The following PTBP2 variants were observed in gnomAD, a reference collection of about 807,000 sequenced individuals.
The protein encoded by PTBP2 is polypyrimidine tract-binding protein 2.
Under a neutral mutation model 61.4 loss-of-function variants are expected in PTBP2, and 13 were observed. The ratio of observed to expected loss-of-function variants is 0.21; its 90% CI spans 0.14 to 0.34. The LOEUF (loss-of-function observed/expected upper bound fraction) is 0.34. Among genes scored for constraint, PTBP2 ranks in the 10% least tolerant of loss-of-function variants. The pLI is 1.00. For missense variants in PTBP2, 405 were observed against 642.6 expected (o/e 0.63, Z 4.00); for synonymous variants, 215 against 218.5 (o/e 0.98, Z 0.14).
chr1:96,788,201 G>A (rs893637230), intron 8 of PTBP2, among the ~76,000 whole-genome samples: 17 of 152,214 alleles, frequency 1.1e-4, no homozygotes, highest in Non-Finnish European at 2.2e-4. Context: ...CTGTTAGGAT[G>A]TACGGTAATT....
chr1:96,766,198 T>C (rs1656684983), intron 3 of PTBP2, among the ~76,000 whole-genome samples: 1 of 152,208 alleles, frequency 6.6e-6, no homozygotes, highest in African/African-American at 2.4e-5. Flanking sequence ...TTTTATTTGC[T>C]TTGAATCCGT....
chr1:96,789,212 T>A (rs1659530119), intron 8 of PTBP2, among the ~76,000 whole-genome samples: 1 of 151,644 alleles, frequency 6.6e-6, no homozygotes, highest in Non-Finnish European at 1.5e-5. Context: ...TATTTCAAAT[T>A]GAATAACAGG....
At chr1:96,755,584 A>G (rs771363625) in intron 3 of PTBP2, among the ~76,000 whole-genome samples, 2 of 152,236 alleles carry the variant, frequency 1.3e-5, no homozygotes, top group Non-Finnish European at 2.9e-5. Flanking sequence ...ACATTCATCA[A>G]CAGATGAACT....
At chr1:96,813,218 T>C in intron 13 of PTBP2, 58 bp from the exon 14 acceptor site, 1 of 1,555,850 alleles carries the variant, frequency 6.4e-7, no homozygotes, top group Non-Finnish European at 8.7e-7. Flanking sequence ...ATTCAAGTAT[T>C]TAATAAGCCC....
chr1:96,736,358 G>A (rs933130241), intron 2 of PTBP2, among the ~76,000 whole-genome samples: 8 of 151,754 alleles, frequency 5.3e-5, no homozygotes, highest in South Asian at 4.2e-4. Context: ...GATTGATAAG[G>A]GGTTTAAAAA....
At chr1:96,727,981 G>A (rs1650823172) in intron 2 of PTBP2, among the ~76,000 whole-genome samples, 1 of 151,840 alleles carries the variant, frequency 6.6e-6, no homozygotes, top group African/African-American at 2.4e-5. Flanking sequence ...CCTTTTGTTT[G>A]TTAATAATAA....
At chr1:96,781,599 A>T (rs1315215352) in intron 7 of PTBP2, among the ~76,000 whole-genome samples, 1 of 151,978 alleles carries the variant, frequency 6.6e-6, no homozygotes, top group Non-Finnish European at 1.5e-5. Context: ...TTCAAGTATC[A>T]GTTTAGAAGC....
chr1:96,734,744 T>A lies in PTBP2; in HGVS notation c.39+11150T>A, dbSNP rs1651913262. Among the ~76,000 whole-genome samples, 3 of 152,096 alleles carry A rather than the reference T, an allele frequency of 2.0e-5. No individual in the cohort carries two copies. The South Asian group carries it at 6.2e-4, about 32-fold the overall frequency. ...GATCTAGAGACTTGCTCAGGGTCTC[T>A]ATTTTTTTGGTAATATTTTTAAGTG... On this transcript the variant is annotated intron_variant, in intron 2 of 13. Transcript: ENST00000674951.
At chr1:96,779,867 A>G (rs1213762823) in intron 7 of PTBP2, among the ~76,000 whole-genome samples, 2 of 128,322 alleles carry the variant, frequency 1.6e-5, no homozygotes, top group African/African-American at 6.0e-5. Context: ...ATATCACATA[A>G]TATTACATAA....
intron 2 of PTBP2, among the ~76,000 whole-genome samples, chr1:96,725,446 C>T (rs1650285395): frequency 6.6e-6 from 1 of 151,796 alleles, no homozygotes; most frequent in Admixed American, 6.6e-5. Flanking sequence ...ACTACAGGCG[C>T]CCACCACCAC....
chr1:96,813,661 C>CTTTTTTTTTTTTT lies in PTBP2; in HGVS notation c.*265_*277dup, dbSNP rs66475516. On this transcript the variant is annotated 3_prime_UTR_variant, in exon 14 of 14. Coordinates refer to ENST00000674951, the MANE Select transcript of PTBP2 (RefSeq NM_021190.4). ...TGTTTAAAATTTCAGTTTAATTTTG[C>CTTTTTTTTTTTTT]TTTTTTTTTTTTTTTTTTTTTCCTT... 1.7e-4 allele frequency: 21 copies of CTTTTTTTTTTTTT among 120,688 alleles called. No homozygotes were observed. Among genetic ancestry groups the CTTTTTTTTTTTTT allele is most frequent in the African/African-American group, 3.2e-4 (8 of 24,926 alleles). The allele number at this position is 120,688 out of a possible 1,614,324, so 7.5% of individuals were successfully genotyped here.
chr1:96,778,002 A>AAT (rs937192393), intron 7 of PTBP2, 56 bp downstream of exon 7: 79 of 897,010 alleles, frequency 8.8e-5, no homozygotes, highest in Middle Eastern at 3.6e-4. Context: ...TATGTAGAAA[A>AAT]ATATATATAT....
intron 8 of PTBP2, among the ~76,000 whole-genome samples, chr1:96,785,908 T>G (rs977589612): frequency 1.3e-5 from 2 of 152,208 alleles, no homozygotes; most frequent in Non-Finnish European, 2.9e-5. Flanking sequence ...GTTGATAGCG[T>G]GGAATCAAGA....
intron 1 of PTBP2, 53 bp downstream of exon 1, chr1:96,721,925 C>T (rs2100758175): frequency 7.1e-6 from 11 of 1,558,872 alleles, no homozygotes; most frequent in Non-Finnish European, 9.6e-6. Context: ...TTGGACCGTC[C>T]TTCGGCCCGG....
At chr1:96,726,935 ATAAAC>A (rs1231509888) in intron 2 of PTBP2, among the ~76,000 whole-genome samples, 4 of 152,194 alleles carry the variant, frequency 2.6e-5, no homozygotes, top group Non-Finnish European at 2.9e-5. Flanking sequence ...TTGACATAAA[ATAAAC>A]TACCCATATT....
downstream of PTBP2, chr1:96,819,365 A>G (rs562284568): frequency 3.2e-4 from 49 of 152,050 alleles, no homozygotes; most frequent in African/African-American, 1.2e-3. Flanking sequence ...CCTTAGCAAA[A>G]TTTTAAAATA....
intron 8 of PTBP2, among the ~76,000 whole-genome samples, chr1:96,787,002 CTT>C (rs1659277698): frequency 6.6e-6 from 1 of 152,060 alleles, no homozygotes; most frequent in African/African-American, 2.4e-5. Flanking sequence ...CTTGCTGAAA[CTT>C]TTAAAACAAT....
In PTBP2 at chr1:96,777,962, G is replaced by A; in HGVS notation, c.708+16G>A. 7.0e-7 allele frequency: 1 copy of A among 1,425,576 alleles called. No homozygotes were observed. The highest frequency in any genetic ancestry group is 9.6e-7 in the Non-Finnish European group (1 of 1,043,648). 88.3% of individuals were successfully genotyped at this position (1,425,576 alleles called of 1,614,324 possible). ...AGCAAAACTAGTAAGTCTTTCTTTTGAGATGGTGATTTTTTTTTATTGAAA... is the reference window on the plus strand; with the variant it reads ...AGCAAAACTAGTAAGTCTTTCTTTTAAGATGGTGATTTTTTTTTATTGAAA... On this transcript the variant is annotated intron_variant, in intron 7 of 13. Transcript: ENST00000674951.
intron 11 of PTBP2, among the ~76,000 whole-genome samples, chr1:96,812,285 C>T (rs570695043): frequency 6.6e-6 from 1 of 152,046 alleles, no homozygotes; most frequent in East Asian, 1.9e-4. Flanking sequence ...ACTGAGTTAT[C>T]CAGATAAAAA....
Sources: gnomAD v4.1 joint callset for allele counts (sites outside exome capture counted in the v4.1 genomes callset) on GRCh38, gnomAD v4.1.1 for gene constraint, MANE v1.5 for transcripts, NCBI Gene and HGNC (gene_info 2026-07-23, HGNC 2026-07-21) for gene names.